ZFHX3: variants seen among roughly 807,000 people sequenced by gnomAD.
ZFHX3 encodes zinc finger homeobox protein 3.
Under a neutral mutation model 279.1 loss-of-function variants are expected in ZFHX3, and 42 were observed. The ratio of observed to expected loss-of-function variants is 0.15; its 90% CI spans 0.12 to 0.19. The LOEUF (loss-of-function observed/expected upper bound fraction) is 0.19, where lower values mean the gene tolerates loss of function less well. Ranked by LOEUF, ZFHX3 falls within the 10% of genes least tolerant of loss-of-function variation. ZFHX3 has a pLI of 1.00. For missense variants in ZFHX3, 4,981 were observed against 4,754.0 expected (o/e 1.05, Z -1.40); for synonymous variants, 2,293 against 1,957.8 (o/e 1.17, Z -4.52).
chr16:73,604,752 A>C (rs1479530338), intron 2 of ZFHX3, among the ~76,000 whole-genome samples: 1 of 151,768 alleles, frequency 6.6e-6, no homozygotes, highest in Admixed American at 6.6e-5. Flanking sequence ...GAAAAAAAAA[A>C]AAAAAAATCT....
At chr16:72,842,210 G>T (rs976258206) in intron 4 of ZFHX3, among the ~76,000 whole-genome samples, 1 of 148,902 alleles carries the variant, frequency 6.7e-6, no homozygotes, top group African/African-American at 2.5e-5. Flanking sequence ...TTGTTTTTTT[G>T]TTTTTTTTTT....
chr16:73,022,753 G>A (rs989490946), intron 1 of ZFHX3, among the ~76,000 whole-genome samples: 2 of 152,164 alleles, frequency 1.3e-5, no homozygotes, highest in African/African-American at 4.8e-5. Flanking sequence ...TAGGGTAAGA[G>A]CTGGTAAGCA....
chr16:73,313,033 C>T (rs142823485), intron 4 of ZFHX3, among the ~76,000 whole-genome samples: 11 of 152,278 alleles, frequency 7.2e-5, no homozygotes, highest in South Asian at 2.1e-4. Context: ...TGTCAGGGGA[C>T]GGGCCTGGTG....
chr16:72,872,914 G>A lies in ZFHX3; in HGVS notation c.3448+16817C>T, dbSNP rs193205283. 1.7e-3 allele frequency among the ~76,000 whole-genome samples: 252 copies of A among 152,318 alleles called. 4 individuals are homozygous for A. Among genetic ancestry groups the A allele is most frequent in the Non-Finnish European group, 4.1e-4 (28 of 68,032 alleles). On this transcript the variant is annotated intron_variant, in intron 4 of 9. Transcript: ENST00000268489. ...CTGCCCAAGATCCTCTCTTTAGGCA[G>A]AATGGCCTGCTCATTGGCTCCCGAC...
rs537899283 is a variant in ZFHX3 at position 73,268,441 on chromosome 16, A to G, written c.-1193-11305T>C. ...GAGTCACGTCCCAGACCCTACCCAC[A>G]GGAGACTGACATTTAGACAAACTTG... is the stretch of plus-strand genomic sequence containing the variant. On this transcript the variant is annotated intron_variant, in intron 4 of 17. Transcript: ENST00000641206. Among the ~76,000 whole-genome samples, 6 of 152,328 alleles carry G rather than the reference A, an allele frequency of 3.9e-5. No homozygotes were observed. In the South Asian group the frequency reaches 1.0e-3, roughly 26 times the overall value.
At chr16:73,040,710 A>T (rs1369668827) in intron 1 of ZFHX3, among the ~76,000 whole-genome samples, 1 of 152,250 alleles carries the variant, frequency 6.6e-6, no homozygotes, top group Non-Finnish European at 1.5e-5. Flanking sequence ...CAAGGTGGTA[A>T]GAAACGAAAG....
chr16:72,902,009 A>G (rs933650620), intron 3 of ZFHX3, among the ~76,000 whole-genome samples: 1 of 152,256 alleles, frequency 6.6e-6, no homozygotes, highest in African/African-American at 2.4e-5. Flanking sequence ...TCAACCAGCA[A>G]GCGCAGCCAG....
intron 3 of ZFHX3, among the ~76,000 whole-genome samples, chr16:72,949,911 C>CTTTT (rs774934563): frequency 8.6e-5 from 10 of 116,056 alleles, no homozygotes; most frequent in African/African-American, 9.9e-5. Context: ...ATTTTCTTTT[C>CTTTT]TTTTTTTTTT....
intron 5 of ZFHX3, among the ~76,000 whole-genome samples, chr16:73,189,194 T>C (rs909921557): frequency 6.6e-6 from 1 of 152,192 alleles, no homozygotes; most frequent in Non-Finnish European, 1.5e-5. Context: ...CAGTATGTTA[T>C]CCTGCTTAAC....
At chr16:72,938,918 C>T (rs1960267245) in intron 3 of ZFHX3, among the ~76,000 whole-genome samples, 1 of 152,082 alleles carries the variant, frequency 6.6e-6, no homozygotes, top group Admixed American at 6.5e-5. Flanking sequence ...AGTGAACAAC[C>T]ACGCACAAAC....
At position 73,406,018 on chromosome 16, in the gene ZFHX3, G is replaced by A. The variant is rs73592881; in HGVS notation, c.-1291+49985C>T. Among the ~76,000 whole-genome samples the A allele has an allele frequency of 7.3e-3, 1,115 of 152,350 alleles. 9 individuals are homozygous for A. The highest frequency in any genetic ancestry group is 0.026 in the African/African-American group (1,068 of 41,580). ...CCAAGCAGCATCAGCGTAGATGCCC[G>A]TAGGGGCACACGCCGGGTAGAGGGA... On this transcript the variant is annotated intron_variant, in intron 3 of 17. Transcript: ENST00000641206.
intron 2 of ZFHX3, among the ~76,000 whole-genome samples, chr16:73,624,624 TAAAG>T (rs1449895431): frequency 7.2e-6 from 1 of 138,470 alleles, no homozygotes; most frequent in African/African-American, 2.6e-5. Flanking sequence ...CAGCAGATAA[TAAAG>T]AATCTATCCC....
At chr16:73,148,727 G>T (rs1318478917) in intron 5 of ZFHX3, among the ~76,000 whole-genome samples, 1 of 151,714 alleles carries the variant, frequency 6.6e-6, no homozygotes, top group Non-Finnish European at 1.5e-5. Context: ...CAGGCAGATC[G>T]CCTGAGGTCA....
chr16:73,582,764 A>C (rs1334998183), intron 2 of ZFHX3, among the ~76,000 whole-genome samples: 1 of 152,024 alleles, frequency 6.6e-6, no homozygotes, highest in Non-Finnish European at 1.5e-5. Context: ...GGCATGAGCC[A>C]CCATGCCTGG....
At chr16:73,331,360 G>A (rs2015800611) in intron 3 of ZFHX3, among the ~76,000 whole-genome samples, 1 of 152,170 alleles carries the variant, frequency 6.6e-6, no homozygotes, top group African/African-American at 2.4e-5. Context: ...CATATCAGCA[G>A]CATTTGTAGA....
intron 2 of ZFHX3, among the ~76,000 whole-genome samples, chr16:72,955,550 G>T (rs890841970): frequency 6.6e-6 from 1 of 152,218 alleles, no homozygotes; most frequent in African/African-American, 2.4e-5. Context: ...AGGCCAAGGC[G>T]GGCAGATCAC....
At chr16:73,711,973 G>A (rs927742587) in intron 1 of ZFHX3, among the ~76,000 whole-genome samples, 4 of 152,218 alleles carry the variant, frequency 2.6e-5, no homozygotes, top group Non-Finnish European at 5.9e-5. Context: ...AGCCCAGGCA[G>A]GAAAGAAGGG....
Position 72,877,904 on chromosome 16 carries a change from C to G in ZFHX3, c.3448+11827G>C, listed in dbSNP as rs150610528. Among the ~76,000 whole-genome samples the G allele has an allele frequency of 7.8e-3, 1,189 of 152,276 alleles. 7 individuals are homozygous for G. The highest frequency in any genetic ancestry group is 0.012 in the Non-Finnish European group (815 of 68,018). ...TGAGTGGTGAAGGAGGCAACTCACA[C>G]CTGAATTATAGTGGGCTTGTAAACC... On this transcript the variant is annotated intron_variant, in intron 4 of 9. Coordinates refer to ENST00000268489, the MANE Select transcript of ZFHX3 (RefSeq NM_006885.4).
chr16:73,774,864 C>T (rs2054059264), intron 1 of ZFHX3, among the ~76,000 whole-genome samples: 1 of 152,162 alleles, frequency 6.6e-6, no homozygotes, highest in African/African-American at 2.4e-5. Flanking sequence ...CTGAACCTTG[C>T]ATGAATTGCT....
Sources: gnomAD v4.1 joint callset for allele counts (sites outside exome capture counted in the v4.1 genomes callset) on GRCh38, gnomAD v4.1.1 for gene constraint, MANE v1.5 for transcripts, NCBI Gene and HGNC (gene_info 2026-07-23, HGNC 2026-07-21) for gene names.